Variants in NELL1 observed in about 807,000 individuals in gnomAD.
The protein encoded by NELL1 is protein kinase C-binding protein NELL1.
NELL1 carries 76 observed loss-of-function variants against 107.4 expected under a neutral mutation model. The ratio of observed to expected loss-of-function variants is 0.71; its 90% CI spans 0.59 to 0.86. The LOEUF is 0.86. Ranked by LOEUF, NELL1 falls within the 40% of genes least tolerant of loss-of-function variation. The probability of loss-of-function intolerance (pLI) is 0.00; values close to 1 mark genes in which losing one functional copy is unlikely to be tolerated. For synonymous variants in NELL1, 353 were observed against 341.2 expected (o/e 1.03, Z -0.38); for missense variants, 1,024 against 1,005.5 (o/e 1.02, Z -0.25).
chr11:21,361,311 C>T (rs1298006942), intron 14 of NELL1, among the ~76,000 whole-genome samples: 1 of 143,712 alleles, frequency 7.0e-6, no homozygotes, highest in Admixed American at 7.0e-5. Flanking sequence ...GAAGATGAGA[C>T]CCCAATCCCT....
chr11:20,928,589 G>C, intron 9 of NELL1, 110 bp downstream of exon 9: 1 of 826,990 alleles, frequency 1.2e-6, no homozygotes, highest in Non-Finnish European at 2.0e-6. Context: ...TGAAACATTG[G>C]CAGTTGATGT....
At chr11:21,552,298 A>C (rs144847565) in intron 16 of NELL1, among the ~76,000 whole-genome samples, 106 of 151,808 alleles carry the variant, frequency 7.0e-4, no homozygotes, top group African/African-American at 2.4e-3. Context: ...AATAATAATA[A>C]AAAAGTTAAT....
chr11:21,543,827 G>A (rs1330892220), intron 16 of NELL1, among the ~76,000 whole-genome samples: 5 of 151,902 alleles, frequency 3.3e-5, no homozygotes, highest in Admixed American at 1.3e-4. Flanking sequence ...CACTAGACTC[G>A]GGCATGAACC....
chr11:21,031,893 A>T (rs1852966675), intron 12 of NELL1, among the ~76,000 whole-genome samples: 1 of 151,894 alleles, frequency 6.6e-6, no homozygotes, highest in Admixed American at 6.6e-5. Context: ...AAAAATACAA[A>T]AATTAGCTGA....
intron 14 of NELL1, among the ~76,000 whole-genome samples, chr11:21,292,295 C>G (rs190495906): frequency 5.4e-4 from 82 of 152,190 alleles, no homozygotes; most frequent in African/African-American, 2.0e-3. Flanking sequence ...AATAGACAAA[C>G]AGTGCAAAAT....
chr11:20,830,006 G>A (rs1340179919), intron 3 of NELL1, among the ~76,000 whole-genome samples: 2 of 152,096 alleles, frequency 1.3e-5, no homozygotes, highest in African/African-American at 4.8e-5. Context: ...GGGCGCAGTG[G>A]CTCATGCCTG....
At chr11:21,257,200 T>G (rs1402200559) in intron 14 of NELL1, among the ~76,000 whole-genome samples, 2 of 151,922 alleles carry the variant, frequency 1.3e-5, no homozygotes, top group Non-Finnish European at 2.9e-5. Context: ...CTCTTCATGT[T>G]CCAGTGTGGC....
At chr11:20,919,485 C>T (rs1850331869) in intron 7 of NELL1, 151 bp downstream of exon 7, 2 of 545,680 alleles carry the variant, frequency 3.7e-6, no homozygotes, top group African/African-American at 1.9e-5. Context: ...AATAGGACTA[C>T]CAATAGTAAA....
intron 13 of NELL1, among the ~76,000 whole-genome samples, chr11:21,128,642 G>A (rs903725915): frequency 6.6e-5 from 10 of 152,066 alleles, no homozygotes; most frequent in Non-Finnish European, 1.3e-4. Context: ...ATAAAAATGC[G>A]GCATTGATTA....
At chr11:20,889,822 C>G (rs1372020331) in intron 5 of NELL1, among the ~76,000 whole-genome samples, 1 of 152,176 alleles carries the variant, frequency 6.6e-6, no homozygotes, top group Non-Finnish European at 1.5e-5. Context: ...TCCAGTAACT[C>G]CAGCCGGAGA....
intron 4 of NELL1, among the ~76,000 whole-genome samples, chr11:20,849,718 A>AT (rs1177817361): frequency 6.6e-6 from 1 of 152,200 alleles, no homozygotes; most frequent in East Asian, 1.9e-4. Context: ...ACACAAATAC[A>AT]TTTTTCAGGT....
intron 14 of NELL1, among the ~76,000 whole-genome samples, chr11:21,320,874 G>A (rs1849993797): frequency 6.6e-6 from 1 of 152,172 alleles, no homozygotes; most frequent in Non-Finnish European, 1.5e-5. Context: ...CAAATTTCAA[G>A]TAATACTTCC....
intron 12 of NELL1, among the ~76,000 whole-genome samples, chr11:21,025,779 C>T (rs559643034): frequency 1.0e-3 from 152 of 152,200 alleles, no homozygotes; most frequent in African/African-American, 3.5e-3. Flanking sequence ...CTCCACTTGA[C>T]GTTGAAAATG....
chr11:21,215,843 A>G (rs889387217), intron 13 of NELL1, among the ~76,000 whole-genome samples: 4 of 152,168 alleles, frequency 2.6e-5, no homozygotes, highest in Admixed American at 2.6e-4. Flanking sequence ...TGACAATGTA[A>G]TAGAAAAGAA....
intron 7 of NELL1, among the ~76,000 whole-genome samples, chr11:20,926,538 C>A (rs998125671): frequency 6.6e-6 from 1 of 152,158 alleles, no homozygotes; most frequent in Non-Finnish European, 1.5e-5. Context: ...GAAGATAATA[C>A]ATGTTCCTCC....
At chr11:21,493,689 G>C (rs555920366) in intron 15 of NELL1, among the ~76,000 whole-genome samples, 1 of 152,134 alleles carries the variant, frequency 6.6e-6, no homozygotes, top group East Asian at 1.9e-4. Flanking sequence ...TTTGACAGCA[G>C]ATAGGGTGAC....
At chr11:21,224,513 G>A (rs1857843727) in intron 13 of NELL1, among the ~76,000 whole-genome samples, 1 of 151,774 alleles carries the variant, frequency 6.6e-6, no homozygotes, top group South Asian at 2.1e-4. Flanking sequence ...GTGCCACCAT[G>A]CCCAGCCTAT....
intron 15 of NELL1, among the ~76,000 whole-genome samples, chr11:21,512,649 G>A (rs974901708): frequency 1.3e-5 from 2 of 152,088 alleles, no homozygotes. Context: ...AGTAGAATAA[G>A]TCTTATTTAA....
intron 14 of NELL1, among the ~76,000 whole-genome samples, chr11:21,345,520 G>A (rs894913499): frequency 1.3e-5 from 2 of 152,180 alleles, no homozygotes; most frequent in Non-Finnish European, 1.5e-5. Context: ...CTTTTCCTCA[G>A]TCACTTAGTG....
Sources: allele counts gnomAD v4.1 joint callset (sites outside exome capture counted in the v4.1 genomes callset), GRCh38; gene constraint gnomAD v4.1.1; transcripts MANE v1.5; gene names NCBI Gene and HGNC (gene_info 2026-07-23, HGNC 2026-07-21).